Variants in COL4A2 observed in about 807,000 individuals in gnomAD.
COL4A2 encodes the protein collagen alpha-2(IV) chain.
In COL4A2, 99 loss-of-function variants were observed where a neutral mutation model predicts 200.2. The observed-to-expected ratio is 0.49, with a 90% CI of 0.42 to 0.58. The LOEUF (loss-of-function observed/expected upper bound fraction) is 0.58, where lower values mean the gene tolerates loss of function less well. Ranked by LOEUF, COL4A2 falls within the 20% of genes least tolerant of loss-of-function variation. COL4A2 has a pLI of 0.00. For synonymous variants in COL4A2, 897 were observed against 900.6 expected (o/e 1.00, Z 0.07); for missense variants, 1,950 against 2,314.1 (o/e 0.84, Z 3.23).
chr13:110,411,618 C>CT, intron 4 of COL4A2, among the ~76,000 whole-genome samples: 1 of 152,328 alleles, frequency 6.6e-6, no homozygotes, highest in African/African-American at 2.4e-5. Context: ...TAAATCACCT[C>CT]TGCAGGACTG....
Position 110,424,962 on chromosome 13 carries a change from G to T in COL4A2, c.325G>T (p.Gly109Cys), listed in dbSNP as rs2139454203. 7 of 1,614,224 alleles carry T rather than the reference G, an allele frequency of 4.3e-6. No homozygotes were observed. The highest frequency in any genetic ancestry group is 5.9e-6 in the Non-Finnish European group (7 of 1,180,048). The change falls in exon 6 of 48, where the codon GGC becomes TGC. Residue 109 changes from glycine to cysteine, a missense_variant. By Grantham distance (159) the Gly-to-Cys change is radical. This residue lies in a region of COL4A2 where 565 missense variants were observed against 593.5 expected (regional missense o/e 0.95). Coordinates refer to ENST00000360467, the MANE Select transcript of COL4A2 (RefSeq NM_001846.4). ...TGPKGDVGAR[G>C]VSGFPGADGI... ...TTTGCTTTCTTCATAGGGAGCAAGAGGCGTTTCTGGATTCCCTGGTGCCGA... is the reference window on the plus strand; with the variant it reads ...TTTGCTTTCTTCATAGGGAGCAAGATGCGTTTCTGGATTCCCTGGTGCCGA...
chr13:110,425,287 G>A (rs1455739543), intron 6 of COL4A2, among the ~76,000 whole-genome samples: 1 of 152,146 alleles, frequency 6.6e-6, no homozygotes, highest in Non-Finnish European at 1.5e-5. Context: ...GCCCTAAAGA[G>A]CCAGTCTTGT....
At position 110,444,041 on chromosome 13, in the gene COL4A2, G is replaced by A. The variant is rs13378248; in HGVS notation, c.958-1788G>A. Among the ~76,000 whole-genome samples the A allele has an allele frequency of 7.1e-3, 1,075 of 152,210 alleles. 9 individuals are homozygous for A. Among genetic ancestry groups the A allele is most frequent in the African/African-American group, 0.022 (919 of 41,510 alleles). On this transcript the variant is annotated intron_variant, in intron 16 of 47. Coordinates refer to ENST00000360467, the MANE Select transcript of COL4A2 (RefSeq NM_001846.4). ...GAGTCAGTTGACCTGTTGACCTGCC[G>A]CTGGGAACTCCCCTGGAAAGTTTTA...
chr13:110,372,171 C>G (rs1449192775), intron 4 of COL4A2, among the ~76,000 whole-genome samples: 1 of 152,156 alleles, frequency 6.6e-6, no homozygotes, highest in Non-Finnish European at 1.5e-5. Flanking sequence ...TCTTCAGAGC[C>G]CAGCACACCG....
chr13:110,468,170 G>T (rs1464548405), intron 27 of COL4A2: 1 of 471,294 alleles, frequency 2.1e-6, no homozygotes, highest in Admixed American at 2.3e-5. Context: ...CCTTAAGGGG[G>T]TCTTCGGAGT....
chr13:110,435,444 G>T (rs1880835278), intron 12 of COL4A2, among the ~76,000 whole-genome samples: 1 of 152,146 alleles, frequency 6.6e-6, no homozygotes, highest in Non-Finnish European at 1.5e-5. Context: ...AACATCAGGG[G>T]CCCAACAGGT....
intron 4 of COL4A2, among the ~76,000 whole-genome samples, chr13:110,389,333 T>C (rs2139420513): frequency 6.6e-6 from 1 of 152,354 alleles, no homozygotes; most frequent in Non-Finnish European, 1.5e-5. Flanking sequence ...GTGCATCATG[T>C]GGAGGACATT....
intron 47 of COL4A2, among the ~76,000 whole-genome samples, chr13:110,511,357 T>G (rs1267675121): frequency 6.6e-6 from 1 of 152,150 alleles, no homozygotes; most frequent in Non-Finnish European, 1.5e-5. Flanking sequence ...ACATATTTAT[T>G]GTGAAAAATC....
intron 3 of COL4A2, among the ~76,000 whole-genome samples, chr13:110,331,384 C>T (rs977055695): frequency 5.3e-5 from 8 of 152,186 alleles, no homozygotes; most frequent in East Asian, 1.9e-4. Context: ...AAAGAGGGGA[C>T]GAATCCTAAT....
chr13:110,386,719 T>TTC (rs1345804795), intron 4 of COL4A2, among the ~76,000 whole-genome samples: 1 of 152,188 alleles, frequency 6.6e-6, no homozygotes, highest in African/African-American at 2.4e-5. Context: ...ATTCAGCCAC[T>TTC]TCTATGTAGA....
chr13:110,387,066 C>T lies in COL4A2; in HGVS notation c.180+29514C>T, dbSNP rs536673544. 7.9e-5 allele frequency among the ~76,000 whole-genome samples: 12 copies of T among 152,138 alleles called. No homozygotes were observed. In the South Asian group the frequency reaches 1.9e-3, roughly 24 times the overall value. ...CAGCCTGGCCAACATGGTGAAACCC[C>T]GTCTCTACTAAAAATACAAAAAGTT... On this transcript the variant is annotated intron_variant, in intron 4 of 47. Transcript: ENST00000360467.
chr13:110,472,553 G>A (rs184369277), intron 28 of COL4A2, among the ~76,000 whole-genome samples: 14 of 152,132 alleles, frequency 9.2e-5, no homozygotes, highest in Admixed American at 3.3e-4. Context: ...TTTCCATCCC[G>A]AAGTGCTGTT....
intron 40 of COL4A2, among the ~76,000 whole-genome samples, chr13:110,498,403 G>C (rs965187862): frequency 1.3e-5 from 2 of 152,214 alleles, no homozygotes; most frequent in Non-Finnish European, 2.9e-5. Context: ...GAGATGTGGA[G>C]AGGAGATCCC....
In COL4A2 at chr13:110,307,660, G is replaced by A; in HGVS notation, c.-45+132G>A. On this transcript the variant is annotated intron_variant, in intron 1 of 47. Transcript: ENST00000360467. This position sits in a 1 kb window ranked among gnomAD's most constrained non-coding sequence, Gnocchi z 5.0. ...GGGAGGGTGGGAGAGCGAAGACCGAGCTCCTCGGCCAAGGAGCACCCACAG... is the reference window on the plus strand; with the variant it reads ...GGGAGGGTGGGAGAGCGAAGACCGAACTCCTCGGCCAAGGAGCACCCACAG... 1 of 572,418 alleles carries A rather than the reference G, an allele frequency of 1.7e-6. No homozygotes were observed. Among genetic ancestry groups the A allele is most frequent in the Admixed American group, 3.3e-5 (1 of 30,252 alleles). The allele number at this position is 572,418 out of a possible 1,614,324, so 35.5% of individuals were successfully genotyped here.
At chr13:110,418,647 A>G (rs575031093) in intron 4 of COL4A2, among the ~76,000 whole-genome samples, 8 of 152,374 alleles carry the variant, frequency 5.3e-5, no homozygotes, top group African/African-American at 1.9e-4. Flanking sequence ...AAGGGTCCAT[A>G]TAGTTCTACC....
intron 35 of COL4A2, 75 bp from the exon 36 acceptor site, chr13:110,489,634 AAC>A (rs1381749634): frequency 6.2e-7 from 1 of 1,600,214 alleles, no homozygotes; most frequent in African/African-American, 1.3e-5. Flanking sequence ...TTAGGAATAT[AAC>A]AAAATAGAAG....
At chr13:110,458,723 G>A (rs368629645) in intron 21 of COL4A2, 48 bp from the exon 22 acceptor site, 152 of 1,610,862 alleles carry the variant, frequency 9.4e-5, no homozygotes, top group African/African-American at 2.9e-4. Flanking sequence ...TCCCCGCCAC[G>A]CTAAGAGGAA....
intron 3 of COL4A2, among the ~76,000 whole-genome samples, chr13:110,312,770 A>G (rs1217943823): frequency 6.6e-6 from 1 of 152,250 alleles, no homozygotes; most frequent in Non-Finnish European, 1.5e-5. Context: ...ATCAGGGACC[A>G]GGAATGACAC....
intron 3 of COL4A2, among the ~76,000 whole-genome samples, chr13:110,352,096 C>G (rs965034931): frequency 1.9e-4 from 29 of 152,114 alleles, no homozygotes; most frequent in African/African-American, 5.8e-4. Context: ...TGATAATGAT[C>G]ATGATGATGA....
Sources: gnomAD v4.1 joint callset for allele counts (sites outside exome capture counted in the v4.1 genomes callset) on GRCh38, gnomAD v4.1.1 for gene constraint, gnomAD v4.1.1 regional missense constraint, Gnocchi (gnomAD v3.1) non-coding constraint, MANE v1.5 for transcripts, NCBI Gene and HGNC (gene_info 2026-07-23, HGNC 2026-07-21) for gene names.